The following SURF6 variants were observed in gnomAD, a reference collection of about 807,000 sequenced individuals.
SURF6 encodes surfeit 6.
SURF6 carries 28 observed loss-of-function variants against 37.5 expected under a neutral mutation model. The ratio of observed to expected loss-of-function variants is 0.75; its 90% CI spans 0.55 to 1.02. SURF6 has a LOEUF of 1.02. SURF6 is among the 50% of genes least tolerant of loss of function. SURF6 has a pLI of 0.00. For missense variants in SURF6, 560 were observed against 490.5 expected (o/e 1.14, Z -1.34); for synonymous variants, 248 against 210.9 (o/e 1.18, Z -1.52).
Position 133,332,308 on chromosome 9 carries a change from C to T in SURF6, c.647G>A (p.Arg216His), listed in dbSNP as rs1835762144. 5 of 1,593,772 alleles carry T rather than the reference C, an allele frequency of 3.1e-6. No homozygotes were observed. The highest frequency in any genetic ancestry group is 3.4e-6 in the Non-Finnish European group (4 of 1,172,956). ...SEDEPASKAQRRKEKRQRVKG... is the reference protein window; with the variant it reads ...SEDEPASKAQHRKEKRQRVKG... ...CACCCTCTGCCTCTTCTCTTTTCTG[C>T]GCTGCGCCTTGCTGGCCGGCTCGTC... Residue 216 changes from arginine (R) to histidine (H), a missense_variant, in exon 5 of 5, where the codon CGC becomes CAC. Transcript: ENST00000372022.
At position 133,334,523 on chromosome 9, in the gene SURF6, C is replaced by G; in HGVS notation, c.173G>C (p.Arg58Pro). The stretch of plus-strand genomic sequence containing the variant: ...CTTGTGCTCAGCAGCCTTCTCTTCT[C>G]GCTTCCGGAATTTCTTTTGTGTTTT... Reference protein sequence around the residue: ...RKKTQKKFRKREEKAAEHKAK... With the variant: ...RKKTQKKFRKPEEKAAEHKAK... The change falls in exon 2 of 5, where the codon CGA (arginine) becomes CCA (proline). Residue 58 changes from arginine to proline, a missense_variant. Physicochemically the swap from Arg to Pro is moderately radical, Grantham distance 103 (BLOSUM62 -2). Transcript: ENST00000372022. The G allele has an allele frequency of 1.2e-6, 2 of 1,614,024 alleles. No homozygotes were observed. The highest frequency in any genetic ancestry group is 1.1e-5 in the South Asian group (1 of 91,086).
rs2129934104 is a variant in SURF6 at position 133,336,104 on chromosome 9, T to C, written c.29A>G (p.Tyr10Cys). The part of the protein sequence containing the change: MASLLAKDA[Y>C]LQSLAKKICS... ...GATCTTCTTGGCCAGGCTCTGCAGG[T>C]AGGCGTCCTTGGCGAGTAGAGAGGC... Residue 10 changes from tyrosine to cysteine, a missense_variant, in exon 1 of 5, where the codon TAC becomes TGC. Tyr to Cys is a radical substitution (Grantham distance 194). Transcript: ENST00000372022. 1.9e-6 allele frequency: 3 copies of C among 1,612,732 alleles called. No homozygotes were observed. The highest frequency in any genetic ancestry group is 2.5e-6 in the Non-Finnish European group (3 of 1,179,832).
intron 1 of SURF6, among the ~76,000 whole-genome samples, chr9:133,335,587 AC>A (rs2129931814): frequency 1.3e-5 from 2 of 151,552 alleles, no homozygotes; most frequent in African/African-American, 2.4e-5. Flanking sequence ...GGCCATGAGA[AC>A]CCTAAGCGCA....
intron 1 of SURF6, among the ~76,000 whole-genome samples, chr9:133,335,505 A>T (rs1193992095): frequency 6.6e-6 from 1 of 152,016 alleles, no homozygotes; most frequent in Non-Finnish European, 1.5e-5. Context: ...CTGGGCCCAG[A>T]CAGCACTGAC....
intron 1 of SURF6, among the ~76,000 whole-genome samples, chr9:133,335,069 C>A (rs2129929833): frequency 1.3e-5 from 2 of 152,298 alleles, no homozygotes; most frequent in South Asian, 4.1e-4. Context: ...AAGCGATTCT[C>A]TTGCCTCAGC....
rs2129928511 is a variant in SURF6 at position 133,334,608 on chromosome 9, T to C, written c.95-7A>G. 2 of 1,605,878 alleles carry C rather than the reference T, an allele frequency of 1.2e-6. No individual in the cohort carries two copies. Among genetic ancestry groups the C allele is most frequent in the East Asian group, 2.2e-5 (1 of 44,886 alleles). ...GAGCCTTGAGTTTTGCCAGCTGAAA[T>C]GCAAAATAAGAAAGAGTTAAGTCCC... On this transcript the variant is annotated splice_polypyrimidine_tract_variant and splice_region_variant and intron_variant, in intron 1 of 4. Coordinates refer to ENST00000372022, the MANE Select transcript of SURF6 (RefSeq NM_006753.6).
intron 3 of SURF6, 126 bp from the exon 4 acceptor site, chr9:133,332,886 G>A (rs2129921897): frequency 1.7e-5 from 15 of 888,320 alleles, no homozygotes; most frequent in Non-Finnish European, 1.9e-5. Context: ...CAAGGGGCCC[G>A]CGGAGTTCAA....
chr9:133,334,668 C>T (rs1835829649), intron 1 of SURF6, 67 bp from the exon 2 acceptor site: 1 of 1,559,500 alleles, frequency 6.4e-7, no homozygotes, highest in Non-Finnish European at 8.7e-7. Flanking sequence ...AGGAAAGGCT[C>T]ACCAAGGCTT....
rs990736769 is a variant in SURF6, at chr9:133,336,103, G to A, written c.30C>T (p.Tyr10=). 1.2e-6 allele frequency: 2 copies of A among 1,612,858 alleles called. No individual in the cohort carries two copies. The highest frequency in any genetic ancestry group is 1.7e-5 in the Admixed American group (1 of 60,020). The change falls in exon 1 of 5, where the codon TAC becomes TAT. Residue 10 remains tyrosine (Y), a synonymous_variant. Coordinates refer to ENST00000372022, the MANE Select transcript of SURF6 (RefSeq NM_006753.6). The part of the protein sequence containing the change: MASLLAKDA[Y]LQSLAKKICS... ...AGATCTTCTTGGCCAGGCTCTGCAGGTAGGCGTCCTTGGCGAGTAGAGAGG... is the reference window on the plus strand; with the variant it reads ...AGATCTTCTTGGCCAGGCTCTGCAGATAGGCGTCCTTGGCGAGTAGAGAGG...
At chr9:133,332,387 C>T (rs2129918128) in intron 4 of SURF6, 39 bp from the exon 5 acceptor site, 10 of 1,544,848 alleles carry the variant, frequency 6.5e-6, no homozygotes, top group South Asian at 1.2e-5. Flanking sequence ...GCCAGCCCTG[C>T]ACTAGGCCCC....
rs2129924353 is a variant in SURF6, at chr9:133,333,712, G to A, written c.393+6C>T. ...TGACGGCACTCCAGCAAACCTGCCC[G>A]CCTACCTGGCCCCGGGCCTCCTGGA... On this transcript the variant is annotated splice_donor_region_variant and intron_variant, in intron 3 of 4. Coordinates refer to ENST00000372022, the MANE Select transcript of SURF6 (RefSeq NM_006753.6). 2.4e-5 allele frequency: 38 copies of A among 1,612,674 alleles called. No individual in the cohort carries two copies. The highest frequency in any genetic ancestry group is 6.7e-5 in the African/African-American group (5 of 74,850).
chr9:133,333,937 C>T (rs1421325885), intron 2 of SURF6, 131 bp from the exon 3 acceptor site: 6 of 731,678 alleles, frequency 8.2e-6, no homozygotes, highest in South Asian at 1.6e-5. Flanking sequence ...TCCACTCCAC[C>T]GCTTCAACCT....
At chr9:133,334,336 C>A in intron 2 of SURF6, 56 bp downstream of exon 2, 2 of 1,516,868 alleles carry the variant, frequency 1.3e-6, no homozygotes, top group Non-Finnish European at 1.8e-6. Context: ...GGACCAAGCC[C>A]AAGCCCAGCC....
rs2129903336 is a variant in SURF6 at position 133,329,585 on chromosome 9, A to G, written c.*2284T>C. ...AGGCTCGCACTCTTGTCTTCTGGTC[A>G]CACCTATGTCCCCTCAGCTCCTATC... On this transcript the variant is annotated 3_prime_UTR_variant, in exon 5 of 5. Transcript: ENST00000372022. 0.067 allele frequency: 10,684 copies of G among 160,196 alleles called. 476 individuals carry two copies. The highest frequency in any genetic ancestry group is 0.1 in the Non-Finnish European group (7,472 of 73,130). 9.9% of individuals were successfully genotyped at this position (160,196 alleles called of 1,614,324 possible).
At position 133,336,121 on chromosome 9, in the gene SURF6, T is replaced by C. The variant is rs138758413; in HGVS notation, c.12A>G (p.Leu4=). 2.9e-5 allele frequency: 47 copies of C among 1,611,358 alleles called. No homozygotes were observed. Among genetic ancestry groups the C allele is most frequent in the African/African-American group, 1.2e-4 (9 of 74,480 alleles). The stretch of plus-strand genomic sequence containing the variant: ...TCTGCAGGTAGGCGTCCTTGGCGAG[T>C]AGAGAGGCCATGGCGGAGACCCGGG... The part of the protein sequence containing the change: MAS[L]LAKDAYLQSL... The change falls in exon 1 of 5, where the codon CTA becomes CTG. Residue 4 remains leucine (L), a synonymous_variant. Transcript: ENST00000372022.
chr9:133,334,618 GAA>G lies in SURF6; in HGVS notation c.95-19_95-18del. Reference sequence around the variant, plus strand: ...TTTTGCCAGCTGAAATGCAAAATAAGAAAGAGTTAAGTCCCAATCTCATGGCC... The same window carrying G: ...TTTTGCCAGCTGAAATGCAAAATAAGAGAGTTAAGTCCCAATCTCATGGCC... On this transcript the variant is annotated intron_variant, in intron 1 of 4. Transcript: ENST00000372022. The G allele has an allele frequency of 3.1e-6, 5 of 1,603,330 alleles. No individual in the cohort carries two copies. Among genetic ancestry groups the G allele is most frequent in the South Asian group, 1.1e-5 (1 of 91,040 alleles).
At position 133,332,008 on chromosome 9, in the gene SURF6, T is replaced by C; in HGVS notation, c.947A>G (p.Glu316Gly). Residue 316 changes from glutamate to glycine, a missense_variant, in exon 5 of 5, where the codon GAG becomes GGG. Coordinates refer to ENST00000372022, the MANE Select transcript of SURF6 (RefSeq NM_006753.6). Reference sequence around the variant, plus strand: ...CCGGTCCTGGCGCTGCTGCATCTTCTCCACCACGCCGGCCGTGCGCTTCTC... The same window carrying C: ...CCGGTCCTGGCGCTGCTGCATCTTCCCCACCACGCCGGCCGTGCGCTTCTC... Reference protein sequence around the residue: ...RWEKRTAGVVEKMQQRQDRRR... With the variant: ...RWEKRTAGVVGKMQQRQDRRR... 6.2e-7 allele frequency: 1 copy of C among 1,600,040 alleles called. No homozygotes were observed. The highest frequency in any genetic ancestry group is 8.5e-7 in the Non-Finnish European group (1 of 1,179,124).
chr9:133,331,734 C>T lies in SURF6; in HGVS notation c.*135G>A. The stretch of plus-strand genomic sequence containing the variant: ...TGTGATCTGGGCCCTCACAACTCAG[C>T]AGAGCACCACTGTGTCCCCCTCACA... On this transcript the variant is annotated 3_prime_UTR_variant, in exon 5 of 5. Transcript: ENST00000372022. The T allele has an allele frequency of 1.4e-5, 17 of 1,193,366 alleles. No homozygotes were observed. The highest frequency in any genetic ancestry group is 1.6e-5 in the African/African-American group (1 of 62,388). 73.9% of individuals were successfully genotyped at this position (1,193,366 alleles called of 1,614,324 possible).
In SURF6 at chr9:133,329,850, C is replaced by T. The variant is rs1262448494; in HGVS notation, c.*2019G>A. On this transcript the variant is annotated 3_prime_UTR_variant, in exon 5 of 5. Coordinates refer to ENST00000372022, the MANE Select transcript of SURF6 (RefSeq NM_006753.6). Reference sequence around the variant, plus strand: ...CGCCCACAGGTATTTGGTAACTTCCCTTTCTCTTACCTAGTTTTGGTATCA... The same window carrying T: ...CGCCCACAGGTATTTGGTAACTTCCTTTTCTCTTACCTAGTTTTGGTATCA... 1 of 152,210 alleles carries T rather than the reference C, an allele frequency of 6.6e-6. No individual in the cohort carries two copies. The highest frequency in any genetic ancestry group is 1.5e-5 in the Non-Finnish European group (1 of 68,040). The allele number at this position is 152,210 out of a possible 1,614,324, so 9.4% of individuals were successfully genotyped here. A position where few individuals can be genotyped will look rare whatever the true frequency, so the allele number is the denominator to read the frequency against.
Sources: gnomAD v4.1 joint callset for allele counts (sites outside exome capture counted in the v4.1 genomes callset) on GRCh38, gnomAD v4.1.1 for gene constraint, MANE v1.5 for transcripts, NCBI Gene and HGNC (gene_info 2026-07-23, HGNC 2026-07-21) for gene names.